Variants in TYW1 observed in about 807,000 individuals in gnomAD.
The protein encoded by TYW1 is tRNA-yW synthesizing protein 1 homolog.
A neutral mutation model predicts 96.2 loss-of-function variants in TYW1; 46 were observed. The observed-to-expected ratio is 0.48, with a 90% CI of 0.38 to 0.61. The LOEUF is 0.61. TYW1 is among the 20% of genes least tolerant of loss of function. The pLI, the probability that TYW1 is intolerant of heterozygous loss-of-function variation, is 0.00. For missense variants in TYW1, 684 were observed against 909.6 expected (o/e 0.75, Z 3.19); for synonymous variants, 274 against 323.0 (o/e 0.85, Z 1.63).
intron 14 of TYW1, among the ~76,000 whole-genome samples, chr7:67,183,942 C>A (rs1384920847): frequency 1.3e-5 from 2 of 152,074 alleles, no homozygotes; most frequent in African/African-American, 4.8e-5. Context: ...GTCCTCCTGC[C>A]TCAGCCTCCT....
At position 67,124,976 on chromosome 7, in the gene TYW1, G is replaced by A. The variant is rs113583373; in HGVS notation, c.1698+7358G>A. Among the ~76,000 whole-genome samples, 709 of 152,176 alleles carry A rather than the reference G, an allele frequency of 4.7e-3. 6 individuals are homozygous for A. Among genetic ancestry groups the A allele is most frequent in the African/African-American group, 0.016 (659 of 41,516 alleles). On this transcript the variant is annotated intron_variant, in intron 13 of 15. Transcript: ENST00000359626. ...CAGCTCCCAAGTAGCTGGAATTATA[G>A]GCATGCACCACCATGCCCAGCTAAT...
intron 15 of TYW1, among the ~76,000 whole-genome samples, chr7:67,221,912 T>C (rs1801403916): frequency 6.6e-6 from 1 of 150,592 alleles, no homozygotes; most frequent in Non-Finnish European, 1.5e-5. Flanking sequence ...AAACAAAACA[T>C]AGAGGCTGGG....
intron 11 of TYW1, among the ~76,000 whole-genome samples, chr7:67,094,270 A>G (rs1347564756): frequency 6.6e-6 from 1 of 152,094 alleles, no homozygotes; most frequent in African/African-American, 2.4e-5. Flanking sequence ...TCATGGTTTC[A>G]TGACTTTTAG....
chr7:67,130,087 G>T (rs35628984), intron 13 of TYW1, among the ~76,000 whole-genome samples: 1 of 151,264 alleles, frequency 6.6e-6, no homozygotes, highest in African/African-American at 2.4e-5. Flanking sequence ...TCTTTCTATA[G>T]AAGTAATTAT....
intron 15 of TYW1, among the ~76,000 whole-genome samples, chr7:67,199,288 T>C (rs930056241): frequency 3.3e-5 from 5 of 152,240 alleles, no homozygotes; most frequent in African/African-American, 9.6e-5. Flanking sequence ...TGTCCTCAGA[T>C]GGAATACTGT....
chr7:67,162,831 T>C (rs1045404412), intron 13 of TYW1, among the ~76,000 whole-genome samples: 1 of 152,190 alleles, frequency 6.6e-6, no homozygotes, highest in African/African-American at 2.4e-5. Flanking sequence ...TTATTTCTGT[T>C]TACTATTCTG....
At position 67,051,125 on chromosome 7, in the gene TYW1, C is replaced by T. The variant is rs368513924; in HGVS notation, c.1102+1059C>T. Among the ~76,000 whole-genome samples the T allele has an allele frequency of 4.6e-5, 7 of 152,246 alleles. No individual in the cohort carries two copies. The East Asian group carries it at 9.6e-4, about 21-fold the overall frequency. On this transcript the variant is annotated intron_variant, in intron 8 of 15. Coordinates refer to ENST00000359626, the MANE Select transcript of TYW1 (RefSeq NM_018264.4). ...CTCAAGTGTGATCTGCCGCCTCAGC[C>T]TCCCAAAGTGCTGGGATTACAGGTG...
At chr7:67,073,767 C>CAAAA (rs71526599) in intron 10 of TYW1, among the ~76,000 whole-genome samples, 7 of 42,328 alleles carry the variant, frequency 1.7e-4, no homozygotes, top group East Asian at 9.5e-4. Flanking sequence ...CGAGACTCTT[C>CAAAA]AAAAAAAAAA....
At chr7:67,237,176 G>A (rs192781442) in intron 15 of TYW1, among the ~76,000 whole-genome samples, 2,587 of 147,110 alleles carry the variant, frequency 0.018, 66 homozygotes, top group African/African-American at 0.062. Context: ...GTGAGCCACC[G>A]TGCCTGGCCA....
At chr7:67,008,831 T>A (rs1793690583) in intron 3 of TYW1, among the ~76,000 whole-genome samples, 1 of 151,706 alleles carries the variant, frequency 6.6e-6, no homozygotes, top group Admixed American at 6.6e-5. Flanking sequence ...CTTGGCTAAT[T>A]TTGTATTTTT....
chr7:67,224,214 G>A (rs1455333418), intron 15 of TYW1, among the ~76,000 whole-genome samples: 4 of 152,188 alleles, frequency 2.6e-5, no homozygotes, highest in East Asian at 1.9e-4. Context: ...TGCAACCTCC[G>A]CCTCCCGGGT....
At chr7:67,067,110 C>T in intron 9 of TYW1, 175 bp from the exon 10 acceptor site, 1 of 689,678 alleles carries the variant, frequency 1.4e-6, no homozygotes, top group Admixed American at 2.8e-5. Context: ...AGTAAAAACC[C>T]AAAGCACTGC....
At chr7:67,230,654 T>C (rs1039722155) in intron 15 of TYW1, among the ~76,000 whole-genome samples, 4 of 104,256 alleles carry the variant, frequency 3.8e-5, no homozygotes, top group Non-Finnish European at 8.3e-5. Context: ...TATTATCTCT[T>C]TTTTTTTTTT....
chr7:67,165,685 T>A (rs1799298918), intron 13 of TYW1, among the ~76,000 whole-genome samples: 1 of 152,194 alleles, frequency 6.6e-6, no homozygotes, highest in Admixed American at 6.5e-5. Context: ...CCCAGCACTC[T>A]GGGAGGCCGA....
At chr7:67,177,643 G>A (rs1249676874) in intron 13 of TYW1, among the ~76,000 whole-genome samples, 1 of 152,156 alleles carries the variant, frequency 6.6e-6, no homozygotes, top group African/African-American at 2.4e-5. Context: ...CAGATGCAAA[G>A]CCAAAACAAT....
At position 67,084,618 on chromosome 7, in the gene TYW1, G is replaced by A. The variant is rs375067861; in HGVS notation, c.1384+1079G>A. On this transcript the variant is annotated intron_variant, in intron 11 of 15. Transcript: ENST00000359626. ...CTGCAACCTTCACTTCCCAGGATCA[G>A]ATGATCCTCCCACCTCAGCCTTGCC... Among the ~76,000 whole-genome samples, 3 of 151,724 alleles carry A rather than the reference G, an allele frequency of 2.0e-5. No homozygotes were observed. In the East Asian group the frequency reaches 5.8e-4, roughly 29 times the overall value.
intron 14 of TYW1, among the ~76,000 whole-genome samples, chr7:67,189,386 A>ATG (rs1286347111): frequency 7.0e-6 from 1 of 142,368 alleles, no homozygotes; most frequent in African/African-American, 2.8e-5. Flanking sequence ...ATGTGTGTTC[A>ATG]TGTGTGTGTT....
chr7:67,105,897 T>C lies in TYW1; in HGVS notation c.1562+7179T>C, dbSNP rs1397090749. On this transcript the variant is annotated intron_variant, in intron 12 of 15. Coordinates refer to ENST00000359626, the MANE Select transcript of TYW1 (RefSeq NM_018264.4). Reference sequence around the variant, plus strand: ...GAGGAGAGAATATTCTTTTTTTTTTTTTTTTTTTTTTTTGGAGATGGAGGA... The same window carrying C: ...GAGGAGAGAATATTCTTTTTTTTTTCTTTTTTTTTTTTTGGAGATGGAGGA... Among the ~76,000 whole-genome samples, 6 of 144,140 alleles carry C rather than the reference T, an allele frequency of 4.2e-5. No homozygotes were observed. In the South Asian group the frequency reaches 6.9e-4, roughly 16 times the overall value. The allele number at this position is 144,140 out of a possible 152,430, so 94.6% of individuals were successfully genotyped here.
intron 13 of TYW1, among the ~76,000 whole-genome samples, chr7:67,158,308 CAA>C (rs1053647136): frequency 6.6e-6 from 1 of 152,040 alleles, no homozygotes; most frequent in African/African-American, 2.4e-5. Context: ...AGGCTGGTCT[CAA>C]ACTCCTGACC....
Sources: allele counts gnomAD v4.1 joint callset (sites outside exome capture counted in the v4.1 genomes callset), GRCh38; gene constraint gnomAD v4.1.1; transcripts MANE v1.5; gene names NCBI Gene and HGNC (gene_info 2026-07-23, HGNC 2026-07-21).